Variants in ZC3H18 observed in about 807,000 individuals in gnomAD.
The protein encoded by ZC3H18 is zinc finger CCCH domain-containing protein 18.
A neutral mutation model predicts 106.1 loss-of-function variants in ZC3H18; 8 were observed. The ratio of observed to expected loss-of-function variants is 0.08; its 90% CI spans 0.04 to 0.14. ZC3H18 has a LOEUF of 0.14. Among genes scored for constraint, ZC3H18 ranks in the 10% least tolerant of loss-of-function variants. The pLI is 1.00. For missense variants in ZC3H18, 1,318 were observed against 1,278.4 expected (o/e 1.03, Z -0.47); for synonymous variants, 635 against 522.1 (o/e 1.22, Z -2.95).
At chr16:88,613,846 G>A (rs562551809) in intron 8 of ZC3H18, among the ~76,000 whole-genome samples, 66 of 152,210 alleles carry the variant, frequency 4.3e-4, no homozygotes, top group Non-Finnish European at 5.9e-4. Context: ...ATTTACTGCC[G>A]TGTTCTCTTC....
intron 11 of ZC3H18, chr16:88,624,334 C>T (rs187172036): frequency 1.5e-6 from 1 of 652,970 alleles, no homozygotes; most frequent in South Asian, 1.9e-5. Context: ...AAGGGGTCTT[C>T]CTATTAGCCT....
At chr16:88,621,719 G>A (rs948386127) in intron 8 of ZC3H18, among the ~76,000 whole-genome samples, 8 of 151,990 alleles carry the variant, frequency 5.3e-5, no homozygotes, top group Non-Finnish European at 1.0e-4. Flanking sequence ...TGGAACTCCC[G>A]ACCTCAAGTA....
chr16:88,574,712 C>T (rs1161222466), intron 1 of ZC3H18, among the ~76,000 whole-genome samples: 13 of 107,660 alleles, frequency 1.2e-4, no homozygotes, highest in African/African-American at 3.7e-4. Context: ...TGGGGTTTTG[C>T]TATGTTGCCC....
chr16:88,572,627 G>A (rs1287652593), intron 1 of ZC3H18, among the ~76,000 whole-genome samples: 1 of 152,066 alleles, frequency 6.6e-6, no homozygotes, highest in Non-Finnish European at 1.5e-5. Flanking sequence ...TTCAGTTATA[G>A]ATAGTGTAAG....
intron 8 of ZC3H18, among the ~76,000 whole-genome samples, chr16:88,612,198 G>A: frequency 6.6e-6 from 1 of 152,172 alleles, no homozygotes; most frequent in East Asian, 1.9e-4. Flanking sequence ...GAATGGATGG[G>A]CGTCAGTGGA....
At chr16:88,571,698 T>C in intron 1 of ZC3H18, 1 of 984,588 alleles carries the variant, frequency 1.0e-6, no homozygotes, top group Non-Finnish European at 1.2e-6. Context: ...GCCTACATCG[T>C]GTTTACAGAG....
intron 3 of ZC3H18, among the ~76,000 whole-genome samples, chr16:88,590,274 G>A (rs543499461): frequency 1.3e-5 from 2 of 152,288 alleles, no homozygotes; most frequent in East Asian, 1.9e-4. Context: ...TCTCCGACAC[G>A]TTGTGATATA....
chr16:88,600,025 G>C (rs1359309857), intron 6 of ZC3H18, 77 bp downstream of exon 6: 24 of 1,549,228 alleles, frequency 1.5e-5, no homozygotes, highest in Non-Finnish European at 2.1e-5. Flanking sequence ...CCATGTGCAG[G>C]GCCCCAGGGT....
chr16:88,591,764 T>G (rs573731186), intron 3 of ZC3H18, among the ~76,000 whole-genome samples: 1 of 152,342 alleles, frequency 6.6e-6, no homozygotes, highest in East Asian at 1.9e-4. Flanking sequence ...GGCAGTGGAG[T>G]TGCTGATGAC....
chr16:88,604,294 G>A (rs1248002739), intron 6 of ZC3H18, among the ~76,000 whole-genome samples: 1 of 151,024 alleles, frequency 6.6e-6, no homozygotes, highest in Admixed American at 6.6e-5. Flanking sequence ...GGAGGTTGCA[G>A]CAAGTGAGAT....
In ZC3H18 at chr16:88,631,443, C is replaced by A; in HGVS notation, c.*144C>A. On this transcript the variant is annotated 3_prime_UTR_variant, in exon 18 of 18. Coordinates refer to ENST00000301011, the MANE Select transcript of ZC3H18 (RefSeq NM_144604.4). ...AAAGTTTCTCAGCTGGAAAAGAAGC[C>A]ACACAGGAAATGACAACGACGCTGA... is the stretch of plus-strand genomic sequence containing the variant. 8.5e-7 allele frequency: 1 copy of A among 1,177,346 alleles called. No homozygotes were observed. Among genetic ancestry groups the A allele is most frequent in the Non-Finnish European group, 1.2e-6 (1 of 838,940 alleles). 72.9% of individuals were successfully genotyped at this position (1,177,346 alleles called of 1,614,324 possible). A position where few individuals can be genotyped will look rare whatever the true frequency, so the allele number is the denominator to read the frequency against.
At chr16:88,621,237 T>C in intron 8 of ZC3H18, among the ~76,000 whole-genome samples, 1 of 150,970 alleles carries the variant, frequency 6.6e-6, no homozygotes, top group Admixed American at 6.6e-5. Context: ...TTATTTTTTT[T>C]TTTTTGAGAC....
At chr16:88,604,211 G>A (rs868779567) in intron 6 of ZC3H18, among the ~76,000 whole-genome samples, 5 of 152,076 alleles carry the variant, frequency 3.3e-5, no homozygotes, top group African/African-American at 4.8e-5. Flanking sequence ...AATTAGTTGG[G>A]CATGGTGGCA....
At chr16:88,609,720 C>T (rs559848686) in intron 7 of ZC3H18, among the ~76,000 whole-genome samples, 36 of 152,276 alleles carry the variant, frequency 2.4e-4, no homozygotes, top group African/African-American at 8.4e-4. Context: ...CTGCCTCAGC[C>T]TCCTGAGTAG....
Position 88,583,448 on chromosome 16 carries a change from C to T in ZC3H18, c.604-3152C>T, listed in dbSNP as rs563219315. 2.0e-5 allele frequency among the ~76,000 whole-genome samples: 3 copies of T among 152,330 alleles called. No individual in the cohort carries two copies. The South Asian group carries it at 6.2e-4, about 32-fold the overall frequency. ...TCACCCTGCTCTGGGGCACTTGCCC[C>T]GTGGTGCAAAGGGGAAGGCGAGCTT... On this transcript the variant is annotated intron_variant, in intron 2 of 17. Transcript: ENST00000301011.
intron 6 of ZC3H18, among the ~76,000 whole-genome samples, chr16:88,605,738 TAAAC>T (rs2142721757): frequency 1.3e-5 from 2 of 152,358 alleles, no homozygotes; most frequent in East Asian, 1.9e-4. Flanking sequence ...ATGAAATGGT[TAAAC>T]AAAGTGATCT....
chr16:88,587,153 G>A (rs747395391), intron 3 of ZC3H18, among the ~76,000 whole-genome samples: 18 of 152,240 alleles, frequency 1.2e-4, no homozygotes, highest in Non-Finnish European at 2.1e-4. Flanking sequence ...GATGGCCGCT[G>A]AAGGCAGCAG....
Position 88,596,145 on chromosome 16 carries a change from C to T in ZC3H18, c.689-2033C>T, listed in dbSNP as rs946887208. 2.6e-5 allele frequency among the ~76,000 whole-genome samples: 4 copies of T among 152,286 alleles called. No homozygotes were observed. In the East Asian group the frequency reaches 7.7e-4, roughly 29 times the overall value. ...CTAGTGTCTGGTCTCTAGTGGCAGC[C>T]CCACGCTCGCCTTCTCAGCTTGCTC... On this transcript the variant is annotated intron_variant, in intron 3 of 17. Transcript: ENST00000301011.
At chr16:88,600,044 C>G (rs1380835559) in intron 6 of ZC3H18, 96 bp downstream of exon 6, 7 of 1,462,400 alleles carry the variant, frequency 4.8e-6, no homozygotes, top group Non-Finnish European at 4.6e-6. Flanking sequence ...GTGCGCTCGG[C>G]TGAGACCCAG....
Sources: gnomAD v4.1 joint callset for allele counts (sites outside exome capture counted in the v4.1 genomes callset) on GRCh38, gnomAD v4.1.1 for gene constraint, MANE v1.5 for transcripts, NCBI Gene and HGNC (gene_info 2026-07-23, HGNC 2026-07-21) for gene names.